Variants in CEP120 observed in about 807,000 individuals in gnomAD.
CEP120 encodes centrosomal protein 120.
Under a neutral mutation model 126.5 loss-of-function variants are expected in CEP120, and 113 were observed. That is an observed-to-expected ratio of 0.89 (90% CI 0.77 to 1.04). The LOEUF (loss-of-function observed/expected upper bound fraction) is 1.04, where lower values mean the gene tolerates loss of function less well. CEP120 is among the 50% of genes least tolerant of loss of function. The probability of loss-of-function intolerance (pLI) is 0.00; values close to 1 mark genes in which losing one functional copy is unlikely to be tolerated. For synonymous variants in CEP120, 400 were observed against 394.3 expected (o/e 1.01, Z -0.17); for missense variants, 1,230 against 1,155.7 (o/e 1.06, Z -0.93).
chr5:123,380,201 C>G (rs1771541223), intron 14 of CEP120, among the ~76,000 whole-genome samples: 1 of 152,024 alleles, frequency 6.6e-6, no homozygotes, highest in Non-Finnish European at 1.5e-5. Flanking sequence ...TTTCATCATA[C>G]TGAAAAACAA....
At chr5:123,365,965 T>C (rs2127005599) in intron 17 of CEP120, among the ~76,000 whole-genome samples, 1 of 151,684 alleles carries the variant, frequency 6.6e-6, no homozygotes, top group Middle Eastern at 3.4e-3. Context: ...AGGTTATATC[T>C]GTTCTGCCAT....
At chr5:123,419,495 G>A (rs2127143130) in intron 1 of CEP120, among the ~76,000 whole-genome samples, 1 of 149,408 alleles carries the variant, frequency 6.7e-6, no homozygotes, top group Non-Finnish European at 1.5e-5. Flanking sequence ...AGTGAGCACT[G>A]CACTCCAGCC....
At chr5:123,415,102 G>T (rs1023857370) in intron 3 of CEP120, among the ~76,000 whole-genome samples, 1 of 151,688 alleles carries the variant, frequency 6.6e-6, no homozygotes. Flanking sequence ...GAGAGGTACT[G>T]GTTAGATAAC....
chr5:123,410,235 G>A (rs1254982737), intron 4 of CEP120, among the ~76,000 whole-genome samples: 1 of 152,168 alleles, frequency 6.6e-6, no homozygotes, highest in African/African-American at 2.4e-5. Flanking sequence ...CATGTTCACA[G>A]AAGACTCAAT....
At chr5:123,370,611 G>A (rs948800700) in intron 17 of CEP120, among the ~76,000 whole-genome samples, 40 of 151,204 alleles carry the variant, frequency 2.6e-4, no homozygotes, top group Non-Finnish European at 5.2e-4. Flanking sequence ...CTGAGTAGCT[G>A]GGACAACAGG....
intron 18 of CEP120, among the ~76,000 whole-genome samples, chr5:123,356,279 C>T (rs1769615506): frequency 6.6e-6 from 1 of 151,918 alleles, no homozygotes; most frequent in Non-Finnish European, 1.5e-5. Flanking sequence ...TTTTTGGTTC[C>T]ATATGAACTT....
At chr5:123,365,643 A>G (rs1770401972) in intron 17 of CEP120, among the ~76,000 whole-genome samples, 1 of 151,712 alleles carries the variant, frequency 6.6e-6, no homozygotes, top group African/African-American at 2.4e-5. Flanking sequence ...TTGACATTTC[A>G]CAACTAGACT....
chr5:123,363,278 C>T (rs1234072732), intron 18 of CEP120, among the ~76,000 whole-genome samples: 9 of 151,710 alleles, frequency 5.9e-5, no homozygotes, highest in African/African-American at 1.9e-4. Context: ...ATTAAATAGA[C>T]GTACTTTCTC....
chr5:123,354,086 A>G (rs112376669), intron 18 of CEP120, among the ~76,000 whole-genome samples: 4,159 of 152,168 alleles, frequency 0.027, 197 homozygotes, highest in African/African-American at 0.093. Flanking sequence ...AGCTTTCACT[A>G]AATCCCACAC....
At chr5:123,404,572 G>A (rs1773520138) in intron 4 of CEP120, among the ~76,000 whole-genome samples, 1 of 152,076 alleles carries the variant, frequency 6.6e-6, no homozygotes, top group African/African-American at 2.4e-5. Context: ...AAGGCCAAAA[G>A]GAAGTTAAGA....
Position 123,391,098 on chromosome 5 carries a change from G to C in CEP120, c.1038+12C>G. 6.3e-7 allele frequency: 1 copy of C among 1,597,598 alleles called. No individual in the cohort carries two copies. The highest frequency in any genetic ancestry group is 2.2e-5 in the East Asian group (1 of 44,736). On this transcript the variant is annotated intron_variant, in intron 7 of 19. Coordinates refer to ENST00000306467, the MANE Select transcript of CEP120 (RefSeq NM_001375405.1). Reference sequence around the variant, plus strand: ...AGTGAAGCCAGGGGAATGAAGGAGGGCCACTACTTGCCTGGGAGTCTATGC... The same window carrying C: ...AGTGAAGCCAGGGGAATGAAGGAGGCCCACTACTTGCCTGGGAGTCTATGC...
Position 123,346,284 on chromosome 5 carries a change from A to G in CEP120, c.*235T>C, listed in dbSNP as rs1263935691. On this transcript the variant is annotated 3_prime_UTR_variant, in exon 20 of 20. Transcript: ENST00000306467. Reference sequence around the variant, plus strand: ...GCCATCAGATTATAAACTATGAAAAACACTGAAAAGTCATTTAAAATGAGT... The same window carrying G: ...GCCATCAGATTATAAACTATGAAAAGCACTGAAAAGTCATTTAAAATGAGT... The G allele has an allele frequency of 5.0e-6, 2 of 402,238 alleles. No homozygotes were observed. Among genetic ancestry groups the G allele is most frequent in the Non-Finnish European group, 8.8e-6 (2 of 227,060 alleles). 24.9% of individuals were successfully genotyped at this position (402,238 alleles called of 1,614,324 possible).
At chr5:123,410,254 G>C (rs1207127225) in intron 4 of CEP120, among the ~76,000 whole-genome samples, 1 of 152,162 alleles carries the variant, frequency 6.6e-6, no homozygotes, top group Non-Finnish European at 1.5e-5. Context: ...ATATTGGCAA[G>C]ATGTCAGTTC....
chr5:123,401,888 C>A, intron 4 of CEP120: 1 of 1,560,066 alleles, frequency 6.4e-7, no homozygotes. Context: ...AGCCCAGAGT[C>A]TCCAGCTGCC....
intron 2 of CEP120, 117 bp from the exon 3 acceptor site, chr5:123,416,241 T>C: frequency 1.6e-6 from 1 of 644,396 alleles, no homozygotes; most frequent in Non-Finnish European, 2.7e-6. Flanking sequence ...ACTGTAACTA[T>C]TTTACATTGT....
In CEP120 at chr5:123,422,952, T is replaced by C; in HGVS notation, c.47A>G (p.Glu16Gly). Reference sequence around the variant, plus strand: ...AAAGCAAGCCTCAGGCTGCTCACCTTCTAGGATGGACACGACGATGAGCAA... The same window carrying C: ...AAAGCAAGCCTCAGGCTGCTCACCTCCTAGGATGGACACGACGATGAGCAA... ...DQLLIVVSIL[E>G]GRHFPKRPKH... Residue 16 changes from glutamate to glycine, a missense_variant and splice_region_variant, in exon 1 of 20, where the codon GAA (glutamate) becomes GGA (glycine). Transcript: ENST00000306467. 6.2e-7 allele frequency: 1 copy of C among 1,614,036 alleles called. No individual in the cohort carries two copies. The highest frequency in any genetic ancestry group is 8.5e-7 in the Non-Finnish European group (1 of 1,179,964).
intron 18 of CEP120, among the ~76,000 whole-genome samples, chr5:123,362,900 C>A (rs1770190311): frequency 6.6e-6 from 1 of 151,548 alleles, no homozygotes; most frequent in Non-Finnish European, 1.5e-5. Context: ...ATTTGCAAAT[C>A]CTATCTCCTT....
At chr5:123,409,353 G>C (rs1479058744) in intron 4 of CEP120, among the ~76,000 whole-genome samples, 1 of 152,130 alleles carries the variant, frequency 6.6e-6, no homozygotes, top group African/African-American at 2.4e-5. Flanking sequence ...AAGCATTCAA[G>C]ATCAGGTACA....
At position 123,423,374 on chromosome 5, in the gene CEP120, C is replaced by T. The variant is rs1774856028; in HGVS notation, c.-376G>A. 3 of 312,096 alleles carry T rather than the reference C, an allele frequency of 9.6e-6. No homozygotes were observed. The highest frequency in any genetic ancestry group is 9.7e-5 in the Admixed American group (2 of 20,520). 19.3% of individuals were successfully genotyped at this position (312,096 alleles called of 1,614,324 possible). On this transcript the variant is annotated 5_prime_UTR_variant, in exon 1 of 20. Transcript: ENST00000306467. ...TCCGCCTAGCAACCAGGCCCGCAGG[C>T]CCAGTGCCCAGGGGAGGTTGGAGGA...
Sources: gnomAD v4.1 joint callset for allele counts (sites outside exome capture counted in the v4.1 genomes callset) on GRCh38, gnomAD v4.1.1 for gene constraint, MANE v1.5 for transcripts, NCBI Gene and HGNC (gene_info 2026-07-23, HGNC 2026-07-21) for gene names.